The following DNAJC14 variants were observed in gnomAD, a reference collection of about 807,000 sequenced individuals.
The protein encoded by DNAJC14 is dnaJ homolog subfamily C member 14.
Under a neutral mutation model 68.8 loss-of-function variants are expected in DNAJC14, and 12 were observed. The ratio of observed to expected loss-of-function variants is 0.17; its 90% confidence interval spans 0.11 to 0.28. The LOEUF is 0.28. Ranked by LOEUF, DNAJC14 falls within the 10% of genes least tolerant of loss-of-function variation. The pLI, the probability that DNAJC14 is intolerant of heterozygous loss-of-function variation, is 1.00. For missense variants in DNAJC14, 764 were observed against 875.6 expected, an observed-to-expected ratio of 0.87 and a Z score of 1.61; for synonymous variants, 350 against 321.5, an observed-to-expected ratio of 1.09 and a Z score of -0.95.
Position 55,822,639 on chromosome 12 carries a change from C to T in DNAJC14, c.1728G>A (p.Glu576=). 3 of 1,614,230 alleles carry T rather than the reference C, an allele frequency of 1.9e-6. No homozygotes were observed. Among genetic ancestry groups the T allele is most frequent in the Non-Finnish European group, 2.5e-6 (3 of 1,180,044 alleles). ...TGATCTTGAGGCCCAACATGCTTGA[C>T]TCTGCCCAAAAGTCTCCTTCCTCAG... ...HPAEEGDFWA[E]SSMLGLKITY... Residue 576 remains glutamate (E), a synonymous_variant, in exon 5 of 7, where the codon GAG becomes GAA. Coordinates refer to ENST00000678005, the MANE Select transcript of DNAJC14 (RefSeq NM_032364.6).
intron 2 of DNAJC14, among the ~76,000 whole-genome samples, chr12:55,824,172 C>T (rs1352355809): frequency 2.0e-5 from 3 of 151,986 alleles, no homozygotes; most frequent in Non-Finnish European, 4.4e-5. Context: ...CTAAAAAGTC[C>T]CATGCCTCTA....
chr12:55,821,817 A>T lies in DNAJC14; in HGVS notation c.*160T>A. On this transcript the variant is annotated 3_prime_UTR_variant, in exon 7 of 7. Transcript: ENST00000678005. ...GGTTGCAGTAAGCTGAGATCACACC[A>T]CTGCACTCCAGCTGGGCAACAGAGC... 3 of 715,944 alleles carry T rather than the reference A, an allele frequency of 4.2e-6. No homozygotes were observed. The highest frequency in any genetic ancestry group is 6.4e-6 in the Non-Finnish European group (3 of 467,250). The allele number at this position is 715,944 out of a possible 1,614,324, so 44.3% of individuals were successfully genotyped here.
chr12:55,828,741 G>A (rs1880878295), intron 1 of DNAJC14, 27 bp from the exon 2 acceptor site: 2 of 1,482,672 alleles, frequency 1.3e-6, no homozygotes, highest in East Asian at 2.4e-5. Context: ...GGTGGAGACA[G>A]TCAAGGATGA....
At chr12:55,822,851 T>C in intron 4 of DNAJC14, 119 bp from the exon 5 acceptor site, 4 of 1,424,226 alleles carry the variant, frequency 2.8e-6, no homozygotes, top group Admixed American at 4.3e-5. Flanking sequence ...CCACTTAGTA[T>C]TTCATATCCC....
chr12:55,827,244 G>C lies in DNAJC14; in HGVS notation c.1407+8C>G, dbSNP rs1344296340. 2 of 1,461,392 alleles carry C rather than the reference G, an allele frequency of 1.4e-6. No homozygotes were observed. Among genetic ancestry groups the C allele is most frequent in the South Asian group, 3.2e-5 (2 of 62,852 alleles). 90.5% of individuals were successfully genotyped at this position (1,461,392 alleles called of 1,614,324 possible). On this transcript the variant is annotated splice_region_variant and intron_variant, in intron 2 of 6. Coordinates refer to ENST00000678005, the MANE Select transcript of DNAJC14 (RefSeq NM_032364.6). ...AAAGAGAGAAACAGGAAACAGAAGG[G>C]TACTCACCATCACTGCCAGCTGTCT...
chr12:55,823,288 C>T, intron 3 of DNAJC14, 99 bp from the exon 4 acceptor site: 1 of 1,600,150 alleles, frequency 6.2e-7, no homozygotes, highest in Non-Finnish European at 8.5e-7. Context: ...GCGAGAAAGA[C>T]AAGTGACTTC....
chr12:55,822,499 C>T (rs1438819651), intron 5 of DNAJC14, 24 bp from the exon 6 acceptor site: 2 of 1,613,582 alleles, frequency 1.2e-6, no homozygotes, highest in Non-Finnish European at 1.7e-6. Flanking sequence ...AAATAATTAG[C>T]CAAAACGTCG....
Position 55,821,934 on chromosome 12 carries a change from C to A in DNAJC14, c.*43G>T. 6.4e-7 allele frequency: 1 copy of A among 1,568,064 alleles called. No homozygotes were observed. The highest frequency in any genetic ancestry group is 8.7e-7 in the Non-Finnish European group (1 of 1,154,166). On this transcript the variant is annotated 3_prime_UTR_variant, in exon 7 of 7. Transcript: ENST00000678005. ...ATCAAACTCCATCCTGTGCTACAGC[C>A]CTTTTGACTCCCTGACATTGATTTG...
chr12:55,824,409 G>A (rs1880742657), intron 2 of DNAJC14, among the ~76,000 whole-genome samples: 1 of 152,130 alleles, frequency 6.6e-6, no homozygotes, highest in Non-Finnish European at 1.5e-5. Context: ...TCCAAGACAA[G>A]TAATATCCTC....
chr12:55,823,564 AATTT>A, intron 2 of DNAJC14, 56 bp from the exon 3 acceptor site: 1 of 1,471,638 alleles, frequency 6.8e-7, no homozygotes, highest in Non-Finnish European at 9.5e-7. Context: ...CCTCACCTTG[AATTT>A]ATTCTCATAT....
At chr12:55,823,862 A>G (rs1048470664) in intron 2 of DNAJC14, among the ~76,000 whole-genome samples, 5 of 147,634 alleles carry the variant, frequency 3.4e-5, no homozygotes, top group African/African-American at 1.3e-4. Context: ...GCACCACCAC[A>G]CTCAGCTAAT....
At position 55,822,023 on chromosome 12, in the gene DNAJC14, GCTTCTC is replaced by G; in HGVS notation, c.2057_2062del (p.Gly686_Glu687del). On this transcript the variant is annotated inframe_deletion, in exon 7 of 7. Coordinates refer to ENST00000678005, the MANE Select transcript of DNAJC14 (RefSeq NM_032364.6). ...CACTTTCTTCCGCCGCTTAGGTTTG[GCTTCTC>G]CCTTGGGTACTGTGCTGTTGGGCTT... 6.2e-7 allele frequency: 1 copy of G among 1,613,890 alleles called. No individual in the cohort carries two copies. The highest frequency in any genetic ancestry group is 8.5e-7 in the Non-Finnish European group (1 of 1,179,900).
At chr12:55,829,715 T>C (rs1020499072), upstream of DNAJC14, 1 of 622,918 alleles carries the variant, frequency 1.6e-6, no homozygotes, top group African/African-American at 2.0e-5. Flanking sequence ...CAGCTAGGGC[T>C]GCGTCGACTC....
rs1880658844 is a variant in DNAJC14 at position 55,821,303 on chromosome 12, TTC to T, written c.*672_*673del. Reference sequence around the variant, plus strand: ...ATCATTAGGGCTACATGCTTTCTTGTTCTCTTTTAAATATTATATCAGGATAA... The same window carrying T: ...ATCATTAGGGCTACATGCTTTCTTGTTCTTTTAAATATTATATCAGGATAA... On this transcript the variant is annotated 3_prime_UTR_variant, in exon 7 of 7. Transcript: ENST00000678005. The T allele has an allele frequency of 7.6e-4, 2 of 2,624 alleles. No individual in the cohort carries two copies. Among genetic ancestry groups the T allele is most frequent in the South Asian group, 0.2 (2 of 10 alleles). 0.2% of individuals were successfully genotyped at this position (2,624 alleles called of 1,614,324 possible). A position where few individuals can be genotyped will look rare whatever the true frequency, so the allele number is the denominator to read the frequency against.
intron 2 of DNAJC14, among the ~76,000 whole-genome samples, chr12:55,825,009 G>A (rs1184685153): frequency 2.6e-5 from 4 of 151,706 alleles, no homozygotes. Flanking sequence ...ATGCACGCCT[G>A]TAGTTCCAGC....
At position 55,823,701 on chromosome 12, in the gene DNAJC14, C is replaced by CTTT. The variant is rs57733478; in HGVS notation, c.1408-196_1408-194dup. Among the ~76,000 whole-genome samples, 26 of 129,818 alleles carry CTTT rather than the reference C, an allele frequency of 2.0e-4. 1 individual carries two copies. The highest frequency in any genetic ancestry group is 4.5e-4 in the East Asian group (2 of 4,486). The allele number at this position is 129,818 out of a possible 152,430, so 85.2% of individuals were successfully genotyped here. ...TAATTAGCTACATTACCTTGAATAT[C>CTTT]TTTTTTTTTTTTTTTTTTTTTGAGA... On this transcript the variant is annotated intron_variant, in intron 2 of 6. Coordinates refer to ENST00000678005, the MANE Select transcript of DNAJC14 (RefSeq NM_032364.6).
At chr12:55,830,656 C>T (rs1024140148), upstream of DNAJC14, 12 of 152,524 alleles carry the variant, frequency 7.9e-5, no homozygotes, top group African/African-American at 2.9e-4. Flanking sequence ...ATTCGGAGAC[C>T]CTTCTCCAAA....
intron 2 of DNAJC14, among the ~76,000 whole-genome samples, chr12:55,826,626 C>G (rs1880801780): frequency 1.3e-5 from 2 of 151,770 alleles, no homozygotes; most frequent in African/African-American, 2.4e-5. Flanking sequence ...ACGGTGAAAC[C>G]CCGTTTCTAC....
intron 1 of DNAJC14, chr12:55,829,068 C>A: frequency 1.0e-6 from 1 of 991,924 alleles, no homozygotes; most frequent in Non-Finnish European, 1.2e-6. Flanking sequence ...TGGGTGGGGG[C>A]CATGCGGCCC....
Sources: allele counts gnomAD v4.1 joint callset (sites outside exome capture counted in the v4.1 genomes callset), GRCh38; gene constraint gnomAD v4.1.1; transcripts MANE v1.5; gene names NCBI Gene and HGNC (gene_info 2026-07-23, HGNC 2026-07-21).